Variants in S100Z observed in about 807,000 individuals in gnomAD.
S100Z encodes S100 calcium binding protein Z.
Under a neutral mutation model 8.5 loss-of-function variants are expected in S100Z, and 11 were observed. The observed-to-expected ratio is 1.30, with a 90% CI of 0.82 to 2.15. The LOEUF is 2.15. S100Z is among the 30% of genes most tolerant of loss of function. The pLI is 0.00. For missense variants in S100Z, 126 were observed against 117.9 expected (o/e 1.07, Z -0.32); for synonymous variants, 34 against 43.8 (o/e 0.78, Z 0.89).
chr5:76,881,451 C>T (rs1001520593), intron 4 of S100Z, among the ~76,000 whole-genome samples: 3 of 152,096 alleles, frequency 2.0e-5, no homozygotes, highest in Non-Finnish European at 2.9e-5. Flanking sequence ...GGCAAATCCC[C>T]GAGCTTGATG....
intron 4 of S100Z, among the ~76,000 whole-genome samples, chr5:76,886,688 A>T (rs1453680309): frequency 6.6e-6 from 1 of 152,148 alleles, no homozygotes; most frequent in African/African-American, 2.4e-5. Context: ...CCAAAAAGAG[A>T]GTCAGCAAAG....
chr5:76,922,257 G>T (rs1745061416), downstream of S100Z, among the ~76,000 whole-genome samples: 1 of 152,032 alleles, frequency 6.6e-6, no homozygotes, highest in South Asian at 2.1e-4. Flanking sequence ...TTTTTCTTAG[G>T]ATCCCCTCCC....
At chr5:76,852,465 CTTT>C (rs1417268133) in intron 1 of S100Z, among the ~76,000 whole-genome samples, 1 of 152,030 alleles carries the variant, frequency 6.6e-6, no homozygotes, top group Non-Finnish European at 1.5e-5. Context: ...AACCCCAGTA[CTTT>C]GGGAAGCTGA....
At chr5:76,894,193 TG>T (rs1743957734) in intron 4 of S100Z, among the ~76,000 whole-genome samples, 1 of 152,260 alleles carries the variant, frequency 6.6e-6, no homozygotes, top group Admixed American at 6.5e-5. Context: ...CACCTCTTAT[TG>T]CAACCTAGAC....
chr5:76,928,723 ATTTGGCTGTCTCTT>A, the S100Z span, among the ~76,000 whole-genome samples: 4 of 152,176 alleles, frequency 2.6e-5, no homozygotes, highest in Non-Finnish European at 4.4e-5. Flanking sequence ...GAAGTTGACT[ATTTGGCTGTCTCTT>A]TTTGTTTTTA....
intron 1 of S100Z, among the ~76,000 whole-genome samples, chr5:76,852,393 T>C (rs1750757118): frequency 1.3e-5 from 2 of 152,322 alleles, no homozygotes; most frequent in South Asian, 4.1e-4. Flanking sequence ...TTCATTCTGC[T>C]TAGTGCCTCT....
At chr5:76,863,110 G>C (rs968243721) in intron 1 of S100Z, among the ~76,000 whole-genome samples, 1 of 152,196 alleles carries the variant, frequency 6.6e-6, no homozygotes, top group Non-Finnish European at 1.5e-5. Flanking sequence ...CTGGAGTAGA[G>C]AGACATCTGA....
chr5:76,857,549 G>C (rs1056639386), intron 1 of S100Z, among the ~76,000 whole-genome samples: 5 of 149,948 alleles, frequency 3.3e-5, no homozygotes, highest in African/African-American at 1.2e-4. Context: ...ACCCAGACTG[G>C]GGTGCAGTGA....
At chr5:76,894,008 C>T (rs921608408) in intron 4 of S100Z, among the ~76,000 whole-genome samples, 14 of 152,162 alleles carry the variant, frequency 9.2e-5, no homozygotes, top group Admixed American at 9.2e-4. Flanking sequence ...AAAATTTAAC[C>T]TGAAAGACTG....
the S100Z span, among the ~76,000 whole-genome samples, chr5:76,947,638 A>G: frequency 6.6e-6 from 1 of 152,172 alleles, no homozygotes; most frequent in Non-Finnish European, 1.5e-5. Context: ...CAGTAGTTAA[A>G]ACAATATGGT....
the S100Z span, among the ~76,000 whole-genome samples, chr5:76,931,374 A>G: frequency 6.6e-6 from 1 of 152,012 alleles, no homozygotes; most frequent in East Asian, 1.9e-4. Flanking sequence ...CAGCCTCCCG[A>G]AGTGTTGGGA....
intron 1 of S100Z, among the ~76,000 whole-genome samples, chr5:76,851,086 G>A (rs1206205903): frequency 6.6e-6 from 1 of 152,192 alleles, no homozygotes; most frequent in Non-Finnish European, 1.5e-5. Context: ...CCCAGTGCCG[G>A]TGCAGGTCTA....
intron 3 of S100Z, among the ~76,000 whole-genome samples, chr5:76,876,342 C>A (rs756070023): frequency 5.9e-5 from 9 of 151,274 alleles, no homozygotes; most frequent in Non-Finnish European, 1.3e-4. Context: ...ACAAACTTTT[C>A]TTTTCCTCTC....
rs1235921818 is a variant in S100Z, at chr5:76,907,000, A to G, written c.*3-13717A>G. ...TGTATATATATATATATATATATAT[A>G]TATATATATATATATATATATATAC... On this transcript the variant is annotated intron_variant, in intron 4 of 4. Transcript: ENST00000317593. Among the ~76,000 whole-genome samples, 88 of 16,650 alleles carry G rather than the reference A, an allele frequency of 5.3e-3. 4 individuals are homozygous for G. The highest frequency in any genetic ancestry group is 2.3e-3 in the African/African-American group (11 of 4,744). 10.9% of individuals were successfully genotyped at this position (16,650 alleles called of 152,430 possible). A position where few individuals can be genotyped will look rare whatever the true frequency, so the allele number is the denominator to read the frequency against.
chr5:76,934,782 A>G, the S100Z span, among the ~76,000 whole-genome samples: 147,466 of 152,262 alleles, frequency 0.97, 71,556 homozygotes, highest in Non-Finnish European at 1. Flanking sequence ...CCCAGACTTC[A>G]GAACAGTGAG....
intron 1 of S100Z, among the ~76,000 whole-genome samples, chr5:76,863,356 T>C (rs892176237): frequency 7.2e-5 from 11 of 152,174 alleles, no homozygotes; most frequent in Non-Finnish European, 1.2e-4. Context: ...AAAAAATTGT[T>C]TAAAGGAAAG....
At chr5:76,942,622 G>A in the S100Z span, among the ~76,000 whole-genome samples, 3 of 152,074 alleles carry the variant, frequency 2.0e-5, no homozygotes, top group Non-Finnish European at 4.4e-5. Context: ...GAGTGTGCTG[G>A]GCTCAGGGCT....
rs140222400 is a variant in S100Z, at chr5:76,868,812, C to T, written c.-175-1354C>T. On this transcript the variant is annotated intron_variant, in intron 1 of 4. Transcript: ENST00000317593. The stretch of plus-strand genomic sequence containing the variant: ...CTGCTTTTTGTATTTTTAGTAGAGA[C>T]GGGGTTTCACCGTTTTGGTCAGGCT... 3.2e-3 allele frequency among the ~76,000 whole-genome samples: 490 copies of T among 151,970 alleles called. 2 individuals carry two copies. The highest frequency in any genetic ancestry group is 5.0e-3 in the Non-Finnish European group (337 of 67,936).
chr5:76,897,121 T>C (rs1744063933), intron 4 of S100Z, among the ~76,000 whole-genome samples: 1 of 152,164 alleles, frequency 6.6e-6, no homozygotes, highest in Non-Finnish European at 1.5e-5. Flanking sequence ...TTGCTTAGGA[T>C]AGCTTTGGCT....
Sources: gnomAD v4.1 joint callset for allele counts (sites outside exome capture counted in the v4.1 genomes callset) on GRCh38, gnomAD v4.1.1 for gene constraint, MANE v1.5 for transcripts, NCBI Gene and HGNC (gene_info 2026-07-23, HGNC 2026-07-21) for gene names.